OPRM1: variants seen among roughly 807,000 people sequenced by gnomAD.
OPRM1 encodes mu-type opioid receptor.
A neutral mutation model predicts 31.8 loss-of-function variants in OPRM1; 27 were observed. The ratio of observed to expected loss-of-function variants is 0.85; its 90% CI spans 0.63 to 1.17. OPRM1 has a LOEUF of 1.17. Among genes scored for constraint, OPRM1 ranks in the 50% most tolerant of loss-of-function variants. The pLI is 0.00. For synonymous variants in OPRM1, 196 were observed against 189.9 expected (o/e 1.03, Z -0.26); for missense variants, 536 against 511.1 (o/e 1.05, Z -0.47).
chr6:154,145,369 G>A (rs560909069), intron 3 of OPRM1, among the ~76,000 whole-genome samples: 23 of 152,236 alleles, frequency 1.5e-4, no homozygotes, highest in Admixed American at 9.8e-4. Context: ...TGTTTGCAAC[G>A]GACACATGGA....
chr6:154,049,244 T>C (rs1214818585), intron 1 of OPRM1, among the ~76,000 whole-genome samples: 3 of 152,180 alleles, frequency 2.0e-5, no homozygotes, highest in Non-Finnish European at 4.4e-5. Context: ...TTCCACACTA[T>C]GTTTGAGACC....
intron 3 of OPRM1, among the ~76,000 whole-genome samples, chr6:154,215,404 G>T (rs1453124321): frequency 6.6e-6 from 1 of 152,054 alleles, no homozygotes; most frequent in East Asian, 1.9e-4. Context: ...AGAAGTTCAA[G>T]ACCAGCCTGA....
chr6:154,183,637 A>T (rs1473429295), intron 3 of OPRM1, among the ~76,000 whole-genome samples: 1 of 152,148 alleles, frequency 6.6e-6, no homozygotes, highest in Non-Finnish European at 1.5e-5. Flanking sequence ...GGTGGCTTAC[A>T]CCTGTAATCC....
At chr6:154,052,188 G>GCAAGGGGA (rs1562401999) in intron 1 of OPRM1, among the ~76,000 whole-genome samples, 1 of 151,996 alleles carries the variant, frequency 6.6e-6, no homozygotes, top group Admixed American at 6.6e-5. Flanking sequence ...GGGTTGGGGG[G>GCAAGGGGA]CAAGGGGACA....
intron 3 of OPRM1, among the ~76,000 whole-genome samples, chr6:154,205,721 A>G (rs1049685726): frequency 1.3e-5 from 2 of 152,238 alleles, no homozygotes; most frequent in Non-Finnish European, 2.9e-5. Context: ...GAAATATTTC[A>G]GAGGACAATG....
chr6:154,107,240 G>A (rs1795707925), intron 3 of OPRM1, among the ~76,000 whole-genome samples: 1 of 152,174 alleles, frequency 6.6e-6, no homozygotes, highest in South Asian at 2.1e-4. Context: ...AGACTGTTAA[G>A]AGTTTGAATG....
At chr6:154,100,184 A>G (rs536620202) in intron 3 of OPRM1, among the ~76,000 whole-genome samples, 4 of 125,176 alleles carry the variant, frequency 3.2e-5, no homozygotes, top group Admixed American at 1.8e-4. Context: ...TTATCATATT[A>G]TGACATATCA....
intron 3 of OPRM1, among the ~76,000 whole-genome samples, chr6:154,102,086 C>T (rs944863132): frequency 7.2e-5 from 11 of 152,102 alleles, no homozygotes; most frequent in Non-Finnish European, 7.4e-5. Flanking sequence ...ACTATGGGCA[C>T]ACACCATCAC....
intron 3 of OPRM1, among the ~76,000 whole-genome samples, chr6:154,162,963 C>G (rs1259725886): frequency 6.6e-6 from 1 of 152,214 alleles, no homozygotes; most frequent in Non-Finnish European, 1.5e-5. Context: ...TAGTCTTCCA[C>G]AAAGCACTTA....
intron 3 of OPRM1, chr6:154,217,455 A>G (rs1778501947): frequency 6.6e-6 from 1 of 151,824 alleles, no homozygotes; most frequent in African/African-American, 2.4e-5. Context: ...AAAGTGTCCC[A>G]TAAGAAACTG....
chr6:154,214,220 T>C (rs771407698), intron 3 of OPRM1: 250 of 1,597,728 alleles, frequency 1.6e-4, no homozygotes, highest in Non-Finnish European at 2.0e-4. Context: ...GAACATACCT[T>C]CATCCTTTGT....
chr6:154,194,063 C>T (rs1456029947), intron 3 of OPRM1, among the ~76,000 whole-genome samples: 1 of 152,146 alleles, frequency 6.6e-6, no homozygotes, highest in Admixed American at 6.5e-5. Flanking sequence ...GTACTTAACG[C>T]CCAGGGCAGA....
intron 3 of OPRM1, chr6:154,091,914 A>C: frequency 1.9e-5 from 19 of 988,454 alleles, no homozygotes; most frequent in Non-Finnish European, 2.3e-5. Flanking sequence ...TGCCTTGCCC[A>C]CTGTGGTCAT....
At chr6:154,107,143 T>C (rs1323356036) in intron 3 of OPRM1, among the ~76,000 whole-genome samples, 1 of 152,196 alleles carries the variant, frequency 6.6e-6, no homozygotes, top group Non-Finnish European at 1.5e-5. Flanking sequence ...AGTTTCTTAA[T>C]TGGATGACTG....
At chr6:154,027,122 C>T (rs142809813) in intron 1 of OPRM1, among the ~76,000 whole-genome samples, 27 of 152,262 alleles carry the variant, frequency 1.8e-4, no homozygotes, top group South Asian at 2.1e-4. Flanking sequence ...TCCAGATATT[C>T]AAAATAACTT....
chr6:154,166,892 A>T (rs1583686556), intron 3 of OPRM1, among the ~76,000 whole-genome samples: 1 of 152,230 alleles, frequency 6.6e-6, no homozygotes, highest in East Asian at 1.9e-4. Context: ...ATCGATAAAA[A>T]TTTTAATATT....
At chr6:154,160,656 A>T (rs1798934774) in intron 3 of OPRM1, among the ~76,000 whole-genome samples, 1 of 152,182 alleles carries the variant, frequency 6.6e-6, no homozygotes, top group South Asian at 2.1e-4. Context: ...CTCTGTAACC[A>T]ATGGCACACA....
At chr6:154,244,466 AT>A (rs1780872996) in intron 3 of OPRM1, among the ~76,000 whole-genome samples, 1 of 152,192 alleles carries the variant, frequency 6.6e-6, no homozygotes, top group African/African-American at 2.4e-5. Flanking sequence ...AATGCTGCTA[AT>A]CTAACTGTAT....
At chr6:154,112,571 G>T (rs1796469887) in intron 3 of OPRM1, among the ~76,000 whole-genome samples, 1 of 152,162 alleles carries the variant, frequency 6.6e-6, no homozygotes, top group South Asian at 2.1e-4. Context: ...AAATGCCGTG[G>T]TCCTCATGTG....
Sources: allele counts gnomAD v4.1 joint callset (sites outside exome capture counted in the v4.1 genomes callset), GRCh38; gene constraint gnomAD v4.1.1; transcripts MANE v1.5; gene names NCBI Gene and HGNC (gene_info 2026-07-23, HGNC 2026-07-21).